The following LOC128092253 variants were observed in gnomAD, a reference collection of about 807,000 sequenced individuals.
chr6:133,957,761 T>A, the LOC128092253 span, among the ~76,000 whole-genome samples: 1 of 152,240 alleles, frequency 6.6e-6, no homozygotes, highest in Non-Finnish European at 1.5e-5. Context: ...AGTTTCCTCA[T>A]CTGTACTAGG....
At chr6:133,975,326 T>C in the LOC128092253 span, among the ~76,000 whole-genome samples, 1 of 152,112 alleles carries the variant, frequency 6.6e-6, no homozygotes, top group Non-Finnish European at 1.5e-5. Flanking sequence ...AATGGAAAAT[T>C]TAATTAAGCA....
At chr6:133,961,674 C>A in the LOC128092253 span, among the ~76,000 whole-genome samples, 1 of 151,932 alleles carries the variant, frequency 6.6e-6, no homozygotes, top group Non-Finnish European at 1.5e-5. Flanking sequence ...CCATGTTAAT[C>A]GGGCTGGTCT....
chr6:133,977,399 G>A, the LOC128092253 span, among the ~76,000 whole-genome samples: 3 of 151,874 alleles, frequency 2.0e-5, no homozygotes, highest in Non-Finnish European at 4.4e-5. Context: ...CTTCTTTTTT[G>A]CATTCACACA....
the LOC128092253 span, among the ~76,000 whole-genome samples, chr6:133,961,339 T>C: frequency 6.6e-6 from 1 of 152,186 alleles, no homozygotes; most frequent in Non-Finnish European, 1.5e-5. Flanking sequence ...TGCAGTTCAG[T>C]AGACACTTAT....
chr6:133,970,524 T>C, the LOC128092253 span, among the ~76,000 whole-genome samples: 2 of 152,148 alleles, frequency 1.3e-5, no homozygotes, highest in African/African-American at 4.8e-5. Context: ...TTAGAAATTA[T>C]TATGGAAACT....
At chr6:133,965,703 C>G in the LOC128092253 span, among the ~76,000 whole-genome samples, 8 of 151,580 alleles carry the variant, frequency 5.3e-5, no homozygotes, top group Non-Finnish European at 1.2e-4. Flanking sequence ...TTATTTTTAC[C>G]ACTTACTTTT....
chr6:133,957,986 CACTG>C, the LOC128092253 span, among the ~76,000 whole-genome samples: 1 of 152,184 alleles, frequency 6.6e-6, no homozygotes, highest in Non-Finnish European at 1.5e-5. Flanking sequence ...TCTTTCTGTT[CACTG>C]ACTATTGGAC....
the LOC128092253 span, among the ~76,000 whole-genome samples, chr6:133,954,801 C>G: frequency 2.0e-5 from 3 of 152,258 alleles, no homozygotes; most frequent in East Asian, 5.8e-4. Flanking sequence ...CTTTACGTAC[C>G]CTCTGCCCTC....
chr6:133,977,848 A>G, the LOC128092253 span, among the ~76,000 whole-genome samples: 1 of 152,210 alleles, frequency 6.6e-6, no homozygotes, highest in Non-Finnish European at 1.5e-5. Flanking sequence ...AAAATTGGCT[A>G]CTTGAGCTCT....
the LOC128092253 span, among the ~76,000 whole-genome samples, chr6:133,963,182 G>A: frequency 6.6e-6 from 1 of 152,174 alleles, no homozygotes; most frequent in Non-Finnish European, 1.5e-5. Flanking sequence ...AAGTCTTGAT[G>A]TTCTCTGAAA....
At chr6:133,964,985 T>C in the LOC128092253 span, among the ~76,000 whole-genome samples, 1 of 152,210 alleles carries the variant, frequency 6.6e-6, no homozygotes, top group African/African-American at 2.4e-5. Context: ...TGCTTCAAGT[T>C]TGAGCCCTGC....
chr6:133,960,907 G>A, the LOC128092253 span, among the ~76,000 whole-genome samples: 2 of 152,198 alleles, frequency 1.3e-5, no homozygotes, highest in South Asian at 2.1e-4. Flanking sequence ...AAGGTCAGTA[G>A]GTGTGTTTTA....
chr6:133,977,287 A>T, the LOC128092253 span, among the ~76,000 whole-genome samples: 1 of 152,198 alleles, frequency 6.6e-6, no homozygotes, highest in Admixed American at 6.5e-5. Flanking sequence ...CTCATATTAT[A>T]AAAATATGAA....
At chr6:133,969,773 C>G in the LOC128092253 span, among the ~76,000 whole-genome samples, 1 of 152,180 alleles carries the variant, frequency 6.6e-6, no homozygotes, top group Non-Finnish European at 1.5e-5. Flanking sequence ...CTAACTCTCT[C>G]CCATTACTGC....
the LOC128092253 span, chr6:133,953,437 G>T: frequency 6.5e-6 from 1 of 152,710 alleles, no homozygotes; most frequent in East Asian, 1.9e-4. Flanking sequence ...TAACCCCCTA[G>T]GCGACCCTGG....
At chr6:133,972,284 G>A in the LOC128092253 span, among the ~76,000 whole-genome samples, 1 of 152,076 alleles carries the variant, frequency 6.6e-6, no homozygotes, top group Non-Finnish European at 1.5e-5. Flanking sequence ...ATGTCACTCA[G>A]ATCTATTCAG....
At chr6:133,958,148 G>A in the LOC128092253 span, among the ~76,000 whole-genome samples, 1 of 152,168 alleles carries the variant, frequency 6.6e-6, no homozygotes, top group Non-Finnish European at 1.5e-5. Context: ...ACAAAGCCTG[G>A]GCTGGCACCA....
chr6:133,973,534 G>T, the LOC128092253 span, among the ~76,000 whole-genome samples: 1 of 152,134 alleles, frequency 6.6e-6, no homozygotes. Flanking sequence ...AATTTTAAAT[G>T]CAGTAGTCTT....
chr6:133,965,566 T>C, the LOC128092253 span, among the ~76,000 whole-genome samples: 1 of 151,964 alleles, frequency 6.6e-6, no homozygotes, highest in Non-Finnish European at 1.5e-5. Flanking sequence ...GATCAACAAC[T>C]ATTTGCTTTG....
Sources: allele counts gnomAD v4.1 joint callset (sites outside exome capture counted in the v4.1 genomes callset), GRCh38; gene constraint gnomAD v4.1.1; transcripts MANE v1.5.